The following FAM178B variants were observed in gnomAD, a reference collection of about 807,000 sequenced individuals.
FAM178B encodes the protein family with sequence similarity 178 member B.
FAM178B carries 82 observed loss-of-function variants against 91.7 expected under a neutral mutation model. The observed-to-expected ratio is 0.89, with a 90% CI of 0.75 to 1.07. The LOEUF is 1.07. Among genes scored for constraint, FAM178B ranks in the 50% least tolerant of loss-of-function variants. The pLI is 0.00. For synonymous variants in FAM178B, 368 were observed against 359.4 expected, an observed-to-expected ratio of 1.02 and a Z score of -0.27; for missense variants, 769 against 846.7, an observed-to-expected ratio of 0.91 and a Z score of 1.14.
In FAM178B at chr2:96,945,415, C is replaced by T. The variant is rs776241622; in HGVS notation, c.1078+2403G>A. 4.6e-5 allele frequency among the ~76,000 whole-genome samples: 7 copies of T among 152,224 alleles called. No individual in the cohort carries two copies. In the Middle Eastern group the frequency reaches 0.01, roughly 222 times the overall value. ...CAGCAGGTTGGGATAAAGGCAAGTG[C>T]GTAAGAATCTCCCTAGGATAGTCTG... On this transcript the variant is annotated intron_variant, in intron 8 of 16. Transcript: ENST00000490605.
At chr2:96,971,761 G>A in intron 3 of FAM178B, 140 bp downstream of exon 3, 1 of 798,294 alleles carries the variant, frequency 1.3e-6, no homozygotes, top group Non-Finnish European at 1.8e-6. Context: ...CCCAAGGGCT[G>A]AGCAGGGATG....
chr2:96,891,251 C>A (rs1381430012), intron 14 of FAM178B, among the ~76,000 whole-genome samples: 1 of 152,230 alleles, frequency 6.6e-6, no homozygotes, highest in Non-Finnish European at 1.5e-5. Flanking sequence ...CTTATAATTA[C>A]AAACGATGTG....
intron 1 of FAM178B, among the ~76,000 whole-genome samples, chr2:96,972,840 C>T (rs143706024): frequency 9.9e-5 from 15 of 152,112 alleles, no homozygotes; most frequent in South Asian, 8.3e-4. Context: ...TTTTTTTAGA[C>T]GGAGTCTCAC....
intron 16 of FAM178B, among the ~76,000 whole-genome samples, chr2:96,876,776 G>T (rs1201196529): frequency 1.3e-5 from 2 of 151,978 alleles, no homozygotes; most frequent in African/African-American, 2.4e-5. Flanking sequence ...GGGGTGGGGG[G>T]TGGTCCTCAC....
intron 14 of FAM178B, among the ~76,000 whole-genome samples, chr2:96,892,434 C>T (rs971010578): frequency 5.3e-5 from 8 of 152,188 alleles, no homozygotes; most frequent in Non-Finnish European, 1.0e-4. Flanking sequence ...CCGAGCTGCA[C>T]GGTGCCTCCA....
rs1574212027 is a variant in FAM178B at position 96,898,328 on chromosome 2, C to T, written c.1651-4277G>A. Among the ~76,000 whole-genome samples, 3 of 152,056 alleles carry T rather than the reference C, an allele frequency of 2.0e-5. No individual in the cohort carries two copies. The South Asian group carries it at 6.2e-4, about 32-fold the overall frequency. On this transcript the variant is annotated intron_variant, in intron 13 of 16. Coordinates refer to ENST00000490605, the MANE Select transcript of FAM178B (RefSeq NM_001122646.3). The stretch of plus-strand genomic sequence containing the variant: ...AAGGAGAGAGCTGGACAGGCTAAGG[C>T]GGTGCCCTGCAGTGGTCAAGGGCAG...
At chr2:96,903,463 T>C (rs77923832) in intron 12 of FAM178B, among the ~76,000 whole-genome samples, 5,163 of 152,336 alleles carry the variant, frequency 0.034, 111 homozygotes, top group Middle Eastern at 0.1. Flanking sequence ...TTTCACCCAG[T>C]ATCCACTGGG....
chr2:96,878,737 G>A (rs2080307561), intron 14 of FAM178B, among the ~76,000 whole-genome samples: 2 of 152,184 alleles, frequency 1.3e-5, no homozygotes, highest in Admixed American at 6.5e-5. Context: ...GCCCTCTGAT[G>A]AAGGGCCAAC....
chr2:96,877,950 C>G lies in FAM178B; in HGVS notation c.1947G>C (p.Lys649Asn). 1 of 1,613,902 alleles carries G rather than the reference C, an allele frequency of 6.2e-7. No homozygotes were observed. Among genetic ancestry groups the G allele is most frequent in the Non-Finnish European group, 8.5e-7 (1 of 1,180,032 alleles). The change falls in exon 16 of 17, where the codon AAG becomes AAC. Residue 649 changes from lysine (K) to asparagine (N), a missense_variant. Lys to Asn is a moderately conservative substitution (Grantham distance 94). Transcript: ENST00000490605. ...SPQAMHRTML[K>N]DLATQTYIRW... The stretch of plus-strand genomic sequence containing the variant: ...GGATGTAGGTCTGGGTAGCCAGGTC[C>G]TTGAGCATGGTGCGGTGCATGGCCT...
At position 96,967,911 on chromosome 2, in the gene FAM178B, C is replaced by CTTTTTTTTTTTTTTTTTTTTTTTT. The variant is rs60965536; in HGVS notation, c.627-308_627-285dup. Among the ~76,000 whole-genome samples the CTTTTTTTTTTTTTTTTTTTTTTTT allele has an allele frequency of 3.7e-4, 23 of 62,444 alleles. 6 individuals carry two copies. The highest frequency in any genetic ancestry group is 5.7e-4 in the Non-Finnish European group (19 of 33,240). 41.0% of individuals were successfully genotyped at this position (62,444 alleles called of 152,430 possible). A position where few individuals can be genotyped will look rare whatever the true frequency, so the allele number is the denominator to read the frequency against. On this transcript the variant is annotated intron_variant, in intron 4 of 16. Coordinates refer to ENST00000490605, the MANE Select transcript of FAM178B (RefSeq NM_001122646.3). ...TCTTTACTTGTGTACCCTGTTTGGTCTTTTTTTTTTTTTTTTTTTTTTTTT... is the reference window on the plus strand; with the variant it reads ...TCTTTACTTGTGTACCCTGTTTGGTCTTTTTTTTTTTTTTTTTTTTTTTTTTTTTTTTTTTTTTTTTTTTTTTTT...
chr2:96,908,224 G>A (rs537477640), intron 12 of FAM178B, among the ~76,000 whole-genome samples: 10 of 152,270 alleles, frequency 6.6e-5, no homozygotes, highest in Non-Finnish European at 1.2e-4. Flanking sequence ...GGGAATAGAC[G>A]GCGGGACACA....
chr2:96,896,991 C>G (rs770628361), intron 13 of FAM178B, among the ~76,000 whole-genome samples: 39 of 152,268 alleles, frequency 2.6e-4, no homozygotes, highest in Non-Finnish European at 4.4e-4. Context: ...CTCAGTCTCC[C>G]GAGTAGCTGG....
At chr2:96,937,567 C>T (rs1461166807) in intron 8 of FAM178B, among the ~76,000 whole-genome samples, 1 of 152,116 alleles carries the variant, frequency 6.6e-6, no homozygotes, top group Non-Finnish European at 1.5e-5. Flanking sequence ...GGAGGGGAGG[C>T]TTTAAAATGC....
chr2:96,970,612 G>T, intron 4 of FAM178B, 104 bp downstream of exon 4: 1 of 866,194 alleles, frequency 1.2e-6, no homozygotes, highest in Non-Finnish European at 1.9e-6. Context: ...GCTGAGTCTG[G>T]GTGGGAGGCC....
chr2:96,893,528 G>C (rs959992990), intron 14 of FAM178B, among the ~76,000 whole-genome samples: 1 of 152,088 alleles, frequency 6.6e-6, no homozygotes, highest in Non-Finnish European at 1.5e-5. Flanking sequence ...TACAGAAGAA[G>C]GGATGCCCTG....
intron 12 of FAM178B, among the ~76,000 whole-genome samples, chr2:96,905,702 C>T (rs1480635207): frequency 2.0e-5 from 3 of 148,872 alleles, no homozygotes; most frequent in Admixed American, 6.7e-5. Flanking sequence ...TTTGGGAAGC[C>T]GAGGTGGGCG....
chr2:96,943,085 T>G (rs550676796), intron 8 of FAM178B, among the ~76,000 whole-genome samples: 1 of 152,298 alleles, frequency 6.6e-6, no homozygotes, highest in South Asian at 2.1e-4. Context: ...GACCTGAGAT[T>G]AGACAATGAT....
At chr2:96,920,611 A>G (rs187581195) in intron 12 of FAM178B, among the ~76,000 whole-genome samples, 43 of 152,198 alleles carry the variant, frequency 2.8e-4, no homozygotes, top group South Asian at 1.7e-3. Flanking sequence ...AGAAGAAGAA[A>G]AAAAAAATTT....
At chr2:96,926,835 GAC>G (rs1198263724) in intron 9 of FAM178B, among the ~76,000 whole-genome samples, 1 of 152,242 alleles carries the variant, frequency 6.6e-6, no homozygotes, top group African/African-American at 2.4e-5. Context: ...CAACTAAAGA[GAC>G]AGCCCAGTTA....
Sources: gnomAD v4.1 joint callset for allele counts (sites outside exome capture counted in the v4.1 genomes callset) on GRCh38, gnomAD v4.1.1 for gene constraint, MANE v1.5 for transcripts, NCBI Gene and HGNC (gene_info 2026-07-23, HGNC 2026-07-21) for gene names.